Variants in ATPSCKMT observed in about 807,000 individuals in gnomAD.
ATPSCKMT encodes ATP synthase c subunit lysine N-methyltransferase.
A neutral mutation model predicts 24.3 loss-of-function variants in ATPSCKMT; 24 were observed. That is an observed-to-expected ratio of 0.99 (90% CI 0.71 to 1.39). The LOEUF is 1.39. Ranked by LOEUF, ATPSCKMT falls within the 40% of genes most tolerant of loss-of-function variation. The pLI is 0.00. For synonymous variants in ATPSCKMT, 95 were observed against 110.5 expected (o/e 0.86, Z 0.88); for missense variants, 311 against 298.4 (o/e 1.04, Z -0.31).
At chr5:10,244,271 A>G in intron 1 of ATPSCKMT, among the ~76,000 whole-genome samples, 1 of 152,260 alleles carries the variant, frequency 6.6e-6, no homozygotes, top group East Asian at 1.9e-4. Flanking sequence ...AAAATAGTGG[A>G]AAATTTGAAA....
rs560780834 is a variant in ATPSCKMT at position 10,243,622 on chromosome 5, T to C, written c.17-4266A>G. ...TTCATGCTCTGGAAATGGCTTATCT[T>C]TCCTTAAACCTAATGAACCTACCAC... On this transcript the variant is annotated intron_variant, in intron 1 of 4. Transcript: ENST00000511437. Among the ~76,000 whole-genome samples the C allele has an allele frequency of 4.6e-5, 7 of 152,378 alleles. 1 individual carries two copies. In the East Asian group the frequency reaches 1.3e-3, roughly 29 times the overall value.
At chr5:10,242,101 T>G (rs1354670414) in intron 1 of ATPSCKMT, among the ~76,000 whole-genome samples, 4 of 152,180 alleles carry the variant, frequency 2.6e-5, no homozygotes, top group African/African-American at 9.7e-5. Context: ...GGGTGGTGGT[T>G]GCCGAAGGTT....
chr5:10,237,323 C>T (rs574051799), intron 2 of ATPSCKMT, among the ~76,000 whole-genome samples: 1 of 152,178 alleles, frequency 6.6e-6, no homozygotes, highest in Non-Finnish European at 1.5e-5. Context: ...TTCTCAGAAA[C>T]CACAGATACT....
intron 2 of ATPSCKMT, 68 bp from the exon 3 acceptor site, chr5:10,236,683 A>C: frequency 6.3e-7 from 1 of 1,577,008 alleles, no homozygotes; most frequent in Non-Finnish European, 8.6e-7. Flanking sequence ...AAACAATATG[A>C]ATATTTCCTA....
In ATPSCKMT at chr5:10,226,283, T is replaced by A. The variant is rs914207891; in HGVS notation, c.*1158A>T. On this transcript the variant is annotated 3_prime_UTR_variant, in exon 5 of 5. Coordinates refer to ENST00000511437, the MANE Select transcript of ATPSCKMT (RefSeq NM_199133.4). ...ACTGAATACATATTTGTTGAATGAATGAATGTGTCCCCAGATGTTTCTCAT... is the reference window on the plus strand; with the variant it reads ...ACTGAATACATATTTGTTGAATGAAAGAATGTGTCCCCAGATGTTTCTCAT... The A allele has an allele frequency of 5.3e-5, 8 of 152,236 alleles. No homozygotes were observed. The highest frequency in any genetic ancestry group is 1.9e-4 in the African/African-American group (8 of 41,460). 9.4% of individuals were successfully genotyped at this position (152,236 alleles called of 1,614,324 possible).
At chr5:10,238,910 A>T in intron 2 of ATPSCKMT, 157 bp downstream of exon 2, 1 of 859,408 alleles carries the variant, frequency 1.2e-6, no homozygotes, top group South Asian at 1.8e-5. Context: ...TTCCAAACAC[A>T]CTGGTAGTTG....
chr5:10,234,918 A>C (rs1451241042), intron 4 of ATPSCKMT, among the ~76,000 whole-genome samples: 1 of 152,256 alleles, frequency 6.6e-6, no homozygotes, highest in Non-Finnish European at 1.5e-5. Context: ...TGAAAACTGC[A>C]AACTACATTA....
At chr5:10,246,296 T>G (rs942015224) in intron 1 of ATPSCKMT, among the ~76,000 whole-genome samples, 1 of 152,090 alleles carries the variant, frequency 6.6e-6, no homozygotes, top group African/African-American at 2.4e-5. Context: ...TAGCCAGGCA[T>G]GGTGGTGCAC....
intron 1 of ATPSCKMT, among the ~76,000 whole-genome samples, chr5:10,243,274 A>C (rs751804296): frequency 2.9e-4 from 44 of 152,180 alleles, no homozygotes; most frequent in Admixed American, 6.5e-5. Flanking sequence ...TCACAAGGTC[A>C]GGAGTTCAAG....
At chr5:10,243,017 T>C (rs112752762) in intron 1 of ATPSCKMT, among the ~76,000 whole-genome samples, 12 of 152,346 alleles carry the variant, frequency 7.9e-5, no homozygotes, top group African/African-American at 2.9e-4. Context: ...GCAGAGTAGA[T>C]TTAGCATCAT....
intron 1 of ATPSCKMT, among the ~76,000 whole-genome samples, chr5:10,240,688 T>C (rs1222304790): frequency 6.6e-6 from 1 of 152,012 alleles, no homozygotes; most frequent in African/African-American, 2.4e-5. Flanking sequence ...GTCACAAAAT[T>C]AGTGGCTTAA....
chr5:10,242,202 A>G (rs954679998), intron 1 of ATPSCKMT, among the ~76,000 whole-genome samples: 11 of 152,226 alleles, frequency 7.2e-5, no homozygotes, highest in African/African-American at 2.2e-4. Context: ...GCTCTGCGGC[A>G]TGTGATGCTG....
At chr5:10,228,838 C>T (rs1435665467) in intron 4 of ATPSCKMT, among the ~76,000 whole-genome samples, 2 of 152,068 alleles carry the variant, frequency 1.3e-5, no homozygotes, top group East Asian at 1.9e-4. Flanking sequence ...CCATGTTGCC[C>T]GGGCTGGTCC....
At chr5:10,235,414 C>A in intron 3 of ATPSCKMT, among the ~76,000 whole-genome samples, 153 bp from the exon 4 acceptor site, 1 of 152,214 alleles carries the variant, frequency 6.6e-6, no homozygotes, top group East Asian at 1.9e-4. Flanking sequence ...TAAGATTTCA[C>A]AAGGAAAAGA....
chr5:10,241,490 T>C (rs1744644425), intron 1 of ATPSCKMT, among the ~76,000 whole-genome samples: 2 of 152,148 alleles, frequency 1.3e-5, no homozygotes, highest in South Asian at 4.1e-4. Context: ...CATCCCCCAC[T>C]CAGCGCAGCT....
chr5:10,239,303 C>G lies in ATPSCKMT; in HGVS notation c.70G>C (p.Ala24Pro). 1 of 1,614,192 alleles carries G rather than the reference C, an allele frequency of 6.2e-7. No individual in the cohort carries two copies. The highest frequency in any genetic ancestry group is 1.1e-5 in the South Asian group (1 of 91,088). ...TGCAAACTGTTGACTTCAAAACTTG[C>G]AGGTAGAACATGTCTTGACTGACTT... is the stretch of plus-strand genomic sequence containing the variant. Reference protein sequence around the residue: ...EESQSRHVLPASFEVNSLQKS... With the variant: ...EESQSRHVLPPSFEVNSLQKS... The change falls in exon 2 of 5, where the codon GCA becomes CCA. Residue 24 changes from alanine (A) to proline (P), a missense_variant. Physicochemically the swap from Ala to Pro is conservative, Grantham distance 27. Coordinates refer to ENST00000511437, the MANE Select transcript of ATPSCKMT (RefSeq NM_199133.4).
chr5:10,236,694 T>C (rs1375083904), intron 2 of ATPSCKMT, 79 bp from the exon 3 acceptor site: 2 of 1,562,784 alleles, frequency 1.3e-6, no homozygotes, highest in Non-Finnish European at 1.7e-6. Flanking sequence ...ATATTTCCTA[T>C]CAATGGTTTA....
rs538177876 is a variant in ATPSCKMT, at chr5:10,226,873, A to G, written c.*568T>C. 1.6e-4 allele frequency: 25 copies of G among 153,524 alleles called. No homozygotes were observed. Among genetic ancestry groups the G allele is most frequent in the Non-Finnish European group, 2.8e-4 (19 of 69,018 alleles). The allele number at this position is 153,524 out of a possible 1,614,324, so 9.5% of individuals were successfully genotyped here. Reference sequence around the variant, plus strand: ...ACCCACGTCAGGCTTACATTTACACATACATGTATACAAATGTACACATAT... The same window carrying G: ...ACCCACGTCAGGCTTACATTTACACGTACATGTATACAAATGTACACATAT... On this transcript the variant is annotated 3_prime_UTR_variant, in exon 5 of 5. Coordinates refer to ENST00000511437, the MANE Select transcript of ATPSCKMT (RefSeq NM_199133.4).
chr5:10,236,947 A>ATC, intron 2 of ATPSCKMT: 1 of 1,332,650 alleles, frequency 7.5e-7, no homozygotes, highest in African/African-American at 1.5e-5. Context: ...AATCCACTGC[A>ATC]TCTCTCCATC....
Sources: gnomAD v4.1 joint callset for allele counts (sites outside exome capture counted in the v4.1 genomes callset) on GRCh38, gnomAD v4.1.1 for gene constraint, MANE v1.5 for transcripts, NCBI Gene and HGNC (gene_info 2026-07-23, HGNC 2026-07-21) for gene names.